The following CNOT1 variants were observed in gnomAD, a reference collection of about 807,000 sequenced individuals.
The protein encoded by CNOT1 is CCR4-associated factor 1.
In CNOT1, 15 loss-of-function variants were observed where a neutral mutation model predicts 273.8. The ratio of observed to expected loss-of-function variants is 0.05; its 90% CI spans 0.04 to 0.08. The LOEUF is 0.08. CNOT1 is among the 10% of genes least tolerant of loss of function. The pLI, the probability that CNOT1 is intolerant of heterozygous loss-of-function variation, is 1.00. For missense variants in CNOT1, 1,644 were observed against 2,912.2 expected (o/e 0.56, Z 10.02); for synonymous variants, 1,022 against 1,005.5 (o/e 1.02, Z -0.31).
intron 40 of CNOT1, 47 bp downstream of exon 40, chr16:58,534,100 C>G: frequency 1.4e-6 from 2 of 1,380,834 alleles, no homozygotes; most frequent in Non-Finnish European, 1.9e-6. Context: ...ATAAATAAAA[C>G]ACCCCACTGA....
In CNOT1 at chr16:58,551,642, T is replaced by C; in HGVS notation, c.3148A>G (p.Lys1050Glu). ...GTTGGCCTGGTGACCGTAACCGTTT[T>C]AGCAACAGTGGTAGTTGTTGAGGTG... ...VTTSTTTTVA[K>E]TVTVTRPTGV... The change falls in exon 23 of 49, where the codon AAA becomes GAA. Residue 1050 changes from lysine (K) to glutamate (E), a missense_variant. This residue lies in a region of CNOT1 where 77 missense variants were observed against 90.5 expected (regional missense o/e 0.85). Transcript: ENST00000317147. The C allele has an allele frequency of 6.2e-7, 1 of 1,614,224 alleles. No homozygotes were observed. The highest frequency in any genetic ancestry group is 8.5e-7 in the Non-Finnish European group (1 of 1,180,036).
chr16:58,609,076 C>T (rs2042793291), intron 1 of CNOT1, among the ~76,000 whole-genome samples: 1 of 152,166 alleles, frequency 6.6e-6, no homozygotes, highest in Non-Finnish European at 1.5e-5. Flanking sequence ...CACAGATCAC[C>T]ACTAAAGAAC....
intron 1 of CNOT1, among the ~76,000 whole-genome samples, chr16:58,618,276 A>G (rs1017507548): frequency 3.3e-5 from 5 of 152,082 alleles, no homozygotes; most frequent in East Asian, 3.9e-4. Flanking sequence ...TGTCTCTAAA[A>G]AAAAAAAATT....
At chr16:58,563,787 T>C (rs192489780) in intron 16 of CNOT1, among the ~76,000 whole-genome samples, 2 of 152,252 alleles carry the variant, frequency 1.3e-5, no homozygotes, top group African/African-American at 2.4e-5. Context: ...TTTTACAAAA[T>C]AGAAAAATCC....
At chr16:58,553,105 T>C (rs1369836513) in intron 22 of CNOT1, among the ~76,000 whole-genome samples, 1 of 151,992 alleles carries the variant, frequency 6.6e-6, no homozygotes, top group African/African-American at 2.4e-5. Context: ...AAACCTCGTC[T>C]CTACAAAAAT....
chr16:58,553,001 G>A (rs1426295092), intron 22 of CNOT1, among the ~76,000 whole-genome samples: 2 of 152,094 alleles, frequency 1.3e-5, no homozygotes, highest in Admixed American at 6.5e-5. Context: ...AGGCGGGCGC[G>A]GTGGCTCACA....
At chr16:58,628,489 C>T (rs2043677137) in intron 1 of CNOT1, among the ~76,000 whole-genome samples, 1 of 152,038 alleles carries the variant, frequency 6.6e-6, no homozygotes, top group Admixed American at 6.6e-5. Flanking sequence ...TACTTGCCTT[C>T]CCTCATTTTT....
At chr16:58,584,353 C>T (rs779021003) in intron 8 of CNOT1, among the ~76,000 whole-genome samples, 1 of 151,420 alleles carries the variant, frequency 6.6e-6, no homozygotes, top group East Asian at 2.0e-4. Flanking sequence ...TTTTTTTTGA[C>T]GAAGTCTCGC....
In CNOT1 at chr16:58,534,252, G is replaced by A; in HGVS notation, c.5790C>T (p.Ala1930=). ...AGGCATCCAGGTTGTGATAGCACTT[G>A]GCTCGGATCATGGTGGGATTGGCAG... The part of the protein sequence containing the change: ...NPAANPTMIR[A]KCYHNLDAFV... Residue 1930 remains alanine (A), a synonymous_variant, in exon 40 of 49, where the codon GCC becomes GCT. Coordinates refer to ENST00000317147, the MANE Select transcript of CNOT1 (RefSeq NM_016284.5). 1 of 1,614,104 alleles carries A rather than the reference G, an allele frequency of 6.2e-7. No individual in the cohort carries two copies.
intron 18 of CNOT1, among the ~76,000 whole-genome samples, 155 bp downstream of exon 18, chr16:58,558,318 T>C (rs2040709003): frequency 6.6e-6 from 1 of 152,198 alleles, no homozygotes; most frequent in Non-Finnish European, 1.5e-5. Flanking sequence ...ATATAATCTG[T>C]TTTTCTTTTC....
At position 58,603,407 on chromosome 16, in the gene CNOT1, A is replaced by ATGTGTG. The variant is rs2042543737; in HGVS notation, c.-174-3897_-174-3896insCACACA. 2.2e-3 allele frequency among the ~76,000 whole-genome samples: 273 copies of ATGTGTG among 126,362 alleles called. 2 individuals carry two copies. The highest frequency in any genetic ancestry group is 3.3e-3 in the Admixed American group (41 of 12,294). The allele number at this position is 126,362 out of a possible 152,430, so 82.9% of individuals were successfully genotyped here. On this transcript the variant is annotated intron_variant, in intron 1 of 48. Transcript: ENST00000317147. ...CCTAGACCCTATCTCTACAATTTAA[A>ATGTGTG]AGTGTGTGTGTGTGTGTGTGTGTGT...
At chr16:58,578,636 C>G (rs2041551527) in intron 13 of CNOT1, 63 bp downstream of exon 13, 1 of 1,575,466 alleles carries the variant, frequency 6.3e-7, no homozygotes, top group Non-Finnish European at 8.6e-7. Flanking sequence ...TGAGCTTCCT[C>G]AACACTCCAA....
intron 16 of CNOT1, among the ~76,000 whole-genome samples, chr16:58,560,722 AAAT>A (rs2040808227): frequency 6.6e-6 from 1 of 152,156 alleles, no homozygotes; most frequent in Non-Finnish European, 1.5e-5. Flanking sequence ...TACAAATATT[AAAT>A]AAGTATTAAA....
At chr16:58,540,117 A>G (rs2040044502) in intron 34 of CNOT1, 158 bp from the exon 35 acceptor site, 1 of 689,366 alleles carries the variant, frequency 1.5e-6, no homozygotes, top group South Asian at 2.2e-5. Flanking sequence ...TTCCTGAGCT[A>G]TTCAGAATTA....
intron 14 of CNOT1, 53 bp downstream of exon 14, chr16:58,576,410 C>CT: frequency 6.2e-7 from 1 of 1,609,608 alleles, no homozygotes; most frequent in Non-Finnish European, 8.5e-7. Context: ...CGCGCCCGGC[C>CT]TTTTTTTCTC....
intron 38 of CNOT1, 143 bp downstream of exon 38, chr16:58,537,748 T>C: frequency 7.5e-6 from 8 of 1,069,692 alleles, no homozygotes; most frequent in Non-Finnish European, 1.1e-5. Context: ...CAAGTGACAA[T>C]ATTAGCCCTT....
At chr16:58,603,883 T>C (rs1355678818) in intron 1 of CNOT1, among the ~76,000 whole-genome samples, 1 of 152,204 alleles carries the variant, frequency 6.6e-6, no homozygotes, top group Non-Finnish European at 1.5e-5. Context: ...ATCATACTTA[T>C]ATTTTTAGTC....
intron 46 of CNOT1, chr16:58,523,937 A>T (rs1354145597): frequency 9.7e-5 from 15 of 154,184 alleles, no homozygotes; most frequent in Admixed American, 9.6e-4. Context: ...CAAAAATGTA[A>T]ATGTTGTTTT....
intron 42 of CNOT1, 69 bp downstream of exon 42, chr16:58,531,889 T>C (rs921159612): frequency 4.5e-6 from 7 of 1,543,172 alleles, no homozygotes; most frequent in African/African-American, 2.8e-5. Flanking sequence ...TAGAAATCTA[T>C]AGGCAATGCT....
Sources: allele counts gnomAD v4.1 joint callset (sites outside exome capture counted in the v4.1 genomes callset), GRCh38; gene constraint gnomAD v4.1.1; regional missense constraint gnomAD v4.1.1; transcripts MANE v1.5; gene names NCBI Gene and HGNC (gene_info 2026-07-23, HGNC 2026-07-21).